Variants in HEG1 observed in about 807,000 individuals in gnomAD.
HEG1 encodes the protein heart development protein with EGF like domains 1, also known as protein HEG homolog 1.
A neutral mutation model predicts 125.6 loss-of-function variants in HEG1; 56 were observed. That is an observed-to-expected ratio of 0.45 (90% confidence interval 0.36 to 0.56). The LOEUF (loss-of-function observed/expected upper bound fraction) is 0.56, where lower values mean the gene tolerates loss of function less well. Ranked by LOEUF, HEG1 falls within the 20% of genes least tolerant of loss-of-function variation. The pLI is 0.00. For synonymous variants in HEG1, 644 were observed against 668.5 expected (o/e 0.96, Z 0.57); for missense variants, 1,523 against 1,670.0 (o/e 0.91, Z 1.53).
chr3:125,031,684 C>T (rs1385939155), intron 1 of HEG1, among the ~76,000 whole-genome samples: 1 of 119,004 alleles, frequency 8.4e-6, no homozygotes, highest in African/African-American at 2.9e-5. Context: ...CATACATACA[C>T]ACACACACAC....
intron 15 of HEG1, among the ~76,000 whole-genome samples, chr3:124,976,497 AT>A (rs35716888): frequency 0.37 from 52,811 of 141,580 alleles, 10,080 homozygotes; most frequent in African/African-American, 0.52. Context: ...GCTATTTTCT[AT>A]TTTTTTTTTT....
rs767365333 is a variant in HEG1 at position 125,014,006 on chromosome 3, C to T, written c.1589-16G>A. 3 of 1,571,632 alleles carry T rather than the reference C, an allele frequency of 1.9e-6. No homozygotes were observed. Among genetic ancestry groups the T allele is most frequent in the African/African-American group, 1.4e-5 (1 of 73,138 alleles). ...ATCCCAGCGACTGTAAACGGAAAAG[C>T]CAAAGTTAGGTCAAATAAAAGAACA... On this transcript the variant is annotated splice_polypyrimidine_tract_variant and intron_variant, in intron 5 of 16. Transcript: ENST00000311127.
intron 12 of HEG1, among the ~76,000 whole-genome samples, chr3:124,997,420 A>C (rs1936938139): frequency 6.6e-6 from 1 of 152,240 alleles, no homozygotes; most frequent in Non-Finnish European, 1.5e-5. Flanking sequence ...AATGGAAAAA[A>C]AAAGAAAAGG....
At chr3:125,024,518 A>G (rs958528233) in intron 3 of HEG1, among the ~76,000 whole-genome samples, 1 of 152,248 alleles carries the variant, frequency 6.6e-6, no homozygotes, top group Admixed American at 6.5e-5. Context: ...GGTCATTATT[A>G]AAAAATATGG....
intron 1 of HEG1, among the ~76,000 whole-genome samples, chr3:125,034,546 C>G (rs1433619546): frequency 2.0e-5 from 3 of 152,136 alleles, no homozygotes; most frequent in African/African-American, 7.2e-5. Context: ...GCCTGTAATT[C>G]TAGCACTTTG....
chr3:125,022,904 CA>C (rs1202421859), intron 3 of HEG1, among the ~76,000 whole-genome samples: 1 of 152,090 alleles, frequency 6.6e-6, no homozygotes, highest in Non-Finnish European at 1.5e-5. Context: ...CATCAAAATC[CA>C]GTGGTCGGCC....
chr3:125,025,936 C>T (rs1047605419), intron 3 of HEG1, among the ~76,000 whole-genome samples: 8 of 152,232 alleles, frequency 5.3e-5, no homozygotes, highest in Non-Finnish European at 2.9e-5. Flanking sequence ...TAAACAGGCA[C>T]TCCAGAAGGG....
At chr3:125,042,657 A>T (rs1195286825) in intron 1 of HEG1, among the ~76,000 whole-genome samples, 3 of 152,160 alleles carry the variant, frequency 2.0e-5, no homozygotes, top group African/African-American at 7.2e-5. Flanking sequence ...GGTTAGGATT[A>T]GAAACTCATC....
chr3:124,977,016 A>C (rs1936557625), intron 15 of HEG1, among the ~76,000 whole-genome samples: 1 of 152,046 alleles, frequency 6.6e-6, no homozygotes, highest in South Asian at 2.1e-4. Context: ...TGTGGGAGGG[A>C]CCTGGTGGGA....
intron 1 of HEG1, among the ~76,000 whole-genome samples, chr3:125,040,143 T>C (rs761805604): frequency 1.3e-5 from 2 of 152,194 alleles, no homozygotes; most frequent in Non-Finnish European, 2.9e-5. Flanking sequence ...CTGTTTTTGA[T>C]ATGTGACGTT....
At chr3:125,017,264 G>A (rs1050652591) in intron 5 of HEG1, among the ~76,000 whole-genome samples, 24 of 152,066 alleles carry the variant, frequency 1.6e-4, no homozygotes, top group Non-Finnish European at 3.4e-4. Flanking sequence ...CATGTTGGCC[G>A]GGCTGGTCTT....
rs202031121 is a variant in HEG1 at position 125,013,368 on chromosome 3, G to A, written c.2211C>T (p.Thr737=). The change falls in exon 6 of 17, where the codon ACC becomes ACT. Residue 737 remains threonine, a synonymous_variant. Coordinates refer to ENST00000311127, the MANE Select transcript of HEG1 (RefSeq NM_020733.2). The part of the protein sequence containing the change: ...TSAPLSVSQT[T]LPQSSSTPVL... ...CAGGGGTAGAAGATGACTGTGGCAAGGTTGTTTGTGAGACAGAAAGTGGGG... is the reference window on the plus strand; with the variant it reads ...CAGGGGTAGAAGATGACTGTGGCAAAGTTGTTTGTGAGACAGAAAGTGGGG... 2.5e-6 allele frequency: 4 copies of A among 1,613,878 alleles called. No individual in the cohort carries two copies. Among genetic ancestry groups the A allele is most frequent in the Non-Finnish European group, 3.4e-6 (4 of 1,179,896 alleles).
At position 124,968,824 on chromosome 3, in the gene HEG1, G is replaced by C. The variant is rs946732905; in HGVS notation, c.*1828C>G. On this transcript the variant is annotated 3_prime_UTR_variant, in exon 17 of 17. Coordinates refer to ENST00000311127, the MANE Select transcript of HEG1 (RefSeq NM_020733.2). ...AAGGGCCATTGGTTCTACAGAGAGAGAGGCCCAAGATTTCAAAAAGGCGAC... is the reference window on the plus strand; with the variant it reads ...AAGGGCCATTGGTTCTACAGAGAGACAGGCCCAAGATTTCAAAAAGGCGAC... The C allele has an allele frequency of 6.6e-6, 1 of 152,216 alleles. No homozygotes were observed. The highest frequency in any genetic ancestry group is 2.4e-5 in the African/African-American group (1 of 41,448). 9.4% of individuals were successfully genotyped at this position (152,216 alleles called of 1,614,324 possible). A position where few individuals can be genotyped will look rare whatever the true frequency, so the allele number is the denominator to read the frequency against.
intron 1 of HEG1, among the ~76,000 whole-genome samples, chr3:125,054,943 T>C (rs184455695): frequency 3.3e-5 from 5 of 152,184 alleles, no homozygotes. Context: ...GGACAGGCGG[T>C]GGCTACCACG....
chr3:125,047,106 G>C (rs1937683702), intron 1 of HEG1, among the ~76,000 whole-genome samples: 1 of 152,242 alleles, frequency 6.6e-6, no homozygotes, highest in African/African-American at 2.4e-5. Flanking sequence ...GAGTTCTAGG[G>C]ATACCAAGGG....
In HEG1 at chr3:124,967,264, C is replaced by G. The variant is rs1936332677; in HGVS notation, c.*3388G>C. 1 of 152,188 alleles carries G rather than the reference C, an allele frequency of 6.6e-6. No homozygotes were observed. Among genetic ancestry groups the G allele is most frequent in the Non-Finnish European group, 1.5e-5 (1 of 68,048 alleles). 9.4% of individuals were successfully genotyped at this position (152,188 alleles called of 1,614,324 possible). On this transcript the variant is annotated 3_prime_UTR_variant, in exon 17 of 17. Coordinates refer to ENST00000311127, the MANE Select transcript of HEG1 (RefSeq NM_020733.2). ...CTTACCACGGGAACAAGGCAAGCAG[C>G]TCTCAGATGGATGTGTATGTCTGAC...
intron 1 of HEG1, among the ~76,000 whole-genome samples, chr3:125,029,834 G>C (rs1937473143): frequency 6.6e-6 from 1 of 152,234 alleles, no homozygotes; most frequent in African/African-American, 2.4e-5. Context: ...AGAGGTTGCG[G>C]TGAGCCAAGA....
rs1936299433 is a variant in HEG1, at chr3:124,965,839, A to G, written c.*4813T>C. 1.3e-5 allele frequency: 2 copies of G among 152,250 alleles called. No individual in the cohort carries two copies. The highest frequency in any genetic ancestry group is 2.9e-5 in the Non-Finnish European group (2 of 68,042). The allele number at this position is 152,250 out of a possible 1,614,324, so 9.4% of individuals were successfully genotyped here. A position where few individuals can be genotyped will look rare whatever the true frequency, so the allele number is the denominator to read the frequency against. On this transcript the variant is annotated 3_prime_UTR_variant, in exon 17 of 17. Transcript: ENST00000311127. ...TGCTACAGTACTGAATAATTAGTGG[A>G]GGTTGCAATTATAATACAACTTTAA...
At chr3:125,053,158 G>C (rs1318583344) in intron 1 of HEG1, among the ~76,000 whole-genome samples, 3 of 152,202 alleles carry the variant, frequency 2.0e-5, no homozygotes, top group Non-Finnish European at 4.4e-5. Flanking sequence ...TCTGTCAGGG[G>C]TGCTGGAGGG....
Sources: allele counts gnomAD v4.1 joint callset (sites outside exome capture counted in the v4.1 genomes callset), GRCh38; gene constraint gnomAD v4.1.1; transcripts MANE v1.5; gene names NCBI Gene and HGNC (gene_info 2026-07-23, HGNC 2026-07-21).